The following CFAP97 variants were observed in gnomAD, a reference collection of about 807,000 sequenced individuals.
CFAP97 encodes the protein cilia- and flagella-associated protein 97.
Under a neutral mutation model 43.1 loss-of-function variants are expected in CFAP97, and 36 were observed. The ratio of observed to expected loss-of-function variants is 0.84; its 90% confidence interval spans 0.64 to 1.10. CFAP97 has a LOEUF of 1.10. CFAP97 is among the 50% of genes least tolerant of loss of function. The probability of loss-of-function intolerance (pLI) is 0.00; values close to 1 mark genes in which losing one functional copy is unlikely to be tolerated. For missense variants in CFAP97, 657 were observed against 620.3 expected (o/e 1.06, Z -0.63); for synonymous variants, 228 against 225.7 (o/e 1.01, Z -0.09).
At chr4:185,202,725 C>G (rs1736930651) in intron 1 of CFAP97, among the ~76,000 whole-genome samples, 1 of 152,134 alleles carries the variant, frequency 6.6e-6, no homozygotes, top group Non-Finnish European at 1.5e-5. Flanking sequence ...TAAGTGGTCA[C>G]AGTTCATGCG....
At chr4:185,203,691 A>T (rs1737030956) in intron 1 of CFAP97, 1 of 152,122 alleles carries the variant, frequency 6.6e-6, no homozygotes, top group South Asian at 2.1e-4. Context: ...CTCACAGGGG[A>T]CCGGGGTGGA....
chr4:185,186,661 C>T (rs937013829), intron 2 of CFAP97, among the ~76,000 whole-genome samples: 31 of 152,236 alleles, frequency 2.0e-4, no homozygotes, highest in African/African-American at 7.5e-4. Context: ...TAGCAAAAAT[C>T]ACTAATTTTT....
Position 185,160,209 on chromosome 4 carries a change from T to G in CFAP97, c.*2589A>C, listed in dbSNP as rs1734829215. 6.6e-6 allele frequency: 1 copy of G among 152,124 alleles called. No homozygotes were observed. Among genetic ancestry groups the G allele is most frequent in the Non-Finnish European group, 1.5e-5 (1 of 68,020 alleles). The allele number at this position is 152,124 out of a possible 1,614,324, so 9.4% of individuals were successfully genotyped here. A position where few individuals can be genotyped will look rare whatever the true frequency, so the allele number is the denominator to read the frequency against. ...TAAGAGCTACCCCTTAAGAAATAAC[T>G]TTAATAGTTAAAAAACTTTCGTAGA... On this transcript the variant is annotated 3_prime_UTR_variant, in exon 5 of 5. Transcript: ENST00000458385.
intron 2 of CFAP97, among the ~76,000 whole-genome samples, chr4:185,181,383 T>C (rs1735781366): frequency 7.3e-6 from 1 of 137,234 alleles, no homozygotes. Context: ...TGGAATGCAA[T>C]GGCGCGATCT....
intron 1 of CFAP97, among the ~76,000 whole-genome samples, chr4:185,198,686 G>A (rs1316268864): frequency 6.7e-6 from 1 of 150,224 alleles, no homozygotes; most frequent in Non-Finnish European, 1.5e-5. Flanking sequence ...CTACAGAGGA[G>A]GCTGAGGCAG....
At chr4:185,184,147 C>G (rs1321812473) in intron 2 of CFAP97, among the ~76,000 whole-genome samples, 2 of 152,132 alleles carry the variant, frequency 1.3e-5, no homozygotes, top group Non-Finnish European at 2.9e-5. Flanking sequence ...ACGGGTATCA[C>G]CAGTAGGGGC....
chr4:185,191,551 G>T (rs527979478), intron 1 of CFAP97, among the ~76,000 whole-genome samples: 1 of 152,320 alleles, frequency 6.6e-6, no homozygotes, highest in African/African-American at 2.4e-5. Context: ...AAAGAAAAAG[G>T]CCGGGCGCGG....
chr4:185,193,349 A>G (rs1394286129), intron 1 of CFAP97, among the ~76,000 whole-genome samples: 1 of 152,210 alleles, frequency 6.6e-6, no homozygotes, highest in Non-Finnish European at 1.5e-5. Flanking sequence ...ATAATTTCCA[A>G]TAATAAAACA....
intron 1 of CFAP97, among the ~76,000 whole-genome samples, chr4:185,203,589 G>A (rs1321945789): frequency 6.6e-6 from 1 of 152,106 alleles, no homozygotes; most frequent in Non-Finnish European, 1.5e-5. Flanking sequence ...AGTCGTCAGG[G>A]CCCGGCATGT....
chr4:185,209,675 G>T (rs1579288850), upstream of CFAP97, among the ~76,000 whole-genome samples: 1 of 151,430 alleles, frequency 6.6e-6, no homozygotes, highest in Non-Finnish European at 1.5e-5. This position sits in a 1 kb window ranked among gnomAD's most constrained non-coding sequence, Gnocchi z 5.2. Flanking sequence ...GGCGCTGAGG[G>T]GTCGCCGAGA....
intron 1 of CFAP97, among the ~76,000 whole-genome samples, chr4:185,193,575 G>A (rs1418158605): frequency 6.6e-6 from 1 of 152,186 alleles, no homozygotes; most frequent in Non-Finnish European, 1.5e-5. Flanking sequence ...GAACCCAGGA[G>A]GTGGAGGCTG....
At chr4:185,188,992 C>G (rs1219093964) in intron 2 of CFAP97, among the ~76,000 whole-genome samples, 3 of 152,164 alleles carry the variant, frequency 2.0e-5, no homozygotes, top group African/African-American at 4.8e-5. Flanking sequence ...AATCCCAGCC[C>G]TTCGGGACGC....
chr4:185,181,241 C>T (rs762103920), intron 2 of CFAP97, among the ~76,000 whole-genome samples: 10 of 142,532 alleles, frequency 7.0e-5, no homozygotes, highest in Non-Finnish European at 1.5e-4. Context: ...GCATGGGCAA[C>T]AGAGCGAGAC....
chr4:185,168,924 A>T (rs565568711), intron 3 of CFAP97: 1 of 152,334 alleles, frequency 6.6e-6, no homozygotes, highest in African/African-American at 2.4e-5. Context: ...AAAAAAAAAA[A>T]AAAGGTGCAA....
At chr4:185,185,183 G>A (rs1014006742) in intron 2 of CFAP97, among the ~76,000 whole-genome samples, 1 of 151,976 alleles carries the variant, frequency 6.6e-6, no homozygotes, top group Non-Finnish European at 1.5e-5. Context: ...CCCAAGAAAT[G>A]AGTGCTGGCA....
At chr4:185,174,906 T>C (rs898049459) in intron 3 of CFAP97, among the ~76,000 whole-genome samples, 2 of 152,252 alleles carry the variant, frequency 1.3e-5, no homozygotes, top group African/African-American at 4.8e-5. Flanking sequence ...GAAGAAAATA[T>C]GCTATAATAG....
At chr4:185,172,438 C>G (rs1002307249) in intron 3 of CFAP97, among the ~76,000 whole-genome samples, 2 of 152,172 alleles carry the variant, frequency 1.3e-5, no homozygotes, top group African/African-American at 2.4e-5. Context: ...AACACTACTT[C>G]TTTGTCTGGG....
chr4:185,209,653 G>A, upstream of CFAP97: 1 of 813,552 alleles, frequency 1.2e-6, no homozygotes, highest in Non-Finnish European at 1.5e-6. The surrounding 1 kb of genome is among the most constrained non-coding windows in gnomAD (Gnocchi z 5.2). Context: ...TACGGGCCCA[G>A]CGCCTGGTGG....
intron 1 of CFAP97, among the ~76,000 whole-genome samples, chr4:185,196,466 C>CA (rs58653090): frequency 0.094 from 12,168 of 129,384 alleles, 1,249 homozygotes; most frequent in African/African-American, 0.29. Flanking sequence ...TAGTCCGTCT[C>CA]AAAAAAAAAA....
Sources: gnomAD v4.1 joint callset for allele counts (sites outside exome capture counted in the v4.1 genomes callset) on GRCh38, gnomAD v4.1.1 for gene constraint, Gnocchi (gnomAD v3.1) non-coding constraint, MANE v1.5 for transcripts, NCBI Gene and HGNC (gene_info 2026-07-23, HGNC 2026-07-21) for gene names.